The following MYLK3 variants were observed in gnomAD, a reference collection of about 807,000 sequenced individuals.
MYLK3 encodes the protein MLC kinase.
In MYLK3, 55 loss-of-function variants were observed where a neutral mutation model predicts 76.3. The observed-to-expected ratio is 0.72, with a 90% CI of 0.58 to 0.90. MYLK3 has a LOEUF of 0.90. MYLK3 is among the 40% of genes least tolerant of loss of function. The probability of loss-of-function intolerance (pLI) is 0.00; values close to 1 mark genes in which losing one functional copy is unlikely to be tolerated. For synonymous variants in MYLK3, 416 were observed against 425.4 expected (o/e 0.98, Z 0.27); for missense variants, 973 against 1,053.6 (o/e 0.92, Z 1.06).
At chr16:46,720,940 G>T (rs1966792903) in intron 9 of MYLK3, among the ~76,000 whole-genome samples, 183 bp downstream of exon 9, 1 of 152,176 alleles carries the variant, frequency 6.6e-6, no homozygotes, top group South Asian at 2.1e-4. Flanking sequence ...ACAGCACAAA[G>T]CCAGCCCATG....
At chr16:46,713,564 T>C (rs182954312) in intron 9 of MYLK3, among the ~76,000 whole-genome samples, 11 of 152,344 alleles carry the variant, frequency 7.2e-5, no homozygotes, top group Non-Finnish European at 1.5e-4. Context: ...TTAACATAAG[T>C]ATTACCTCAC....
At position 46,702,660 on chromosome 16, in the gene MYLK3, A is replaced by G. The variant is rs560324784; in HGVS notation, c.*5044T>C. ...ATGCGGGCCAGGCGCAGTGGCTCACACCTGTAATCCCAGCACTTTGGGAGG... is the reference window on the plus strand; with the variant it reads ...ATGCGGGCCAGGCGCAGTGGCTCACGCCTGTAATCCCAGCACTTTGGGAGG... On this transcript the variant is annotated 3_prime_UTR_variant, in exon 13 of 13. Coordinates refer to ENST00000394809, the MANE Select transcript of MYLK3 (RefSeq NM_182493.3). 1.5e-4 allele frequency among the ~76,000 whole-genome samples: 23 copies of G among 152,284 alleles called. No homozygotes were observed. Among genetic ancestry groups the G allele is most frequent in the Non-Finnish European group, 3.4e-4 (23 of 68,016 alleles).
intron 1 of MYLK3, among the ~76,000 whole-genome samples, chr16:46,742,712 T>C (rs1265342111): frequency 2.0e-5 from 3 of 152,254 alleles, no homozygotes; most frequent in Middle Eastern, 6.8e-3. Context: ...AGTAAGGACA[T>C]AGCACATGGA....
chr16:46,751,577 G>T (rs373736635), upstream of MYLK3, among the ~76,000 whole-genome samples: 1 of 152,176 alleles, frequency 6.6e-6, no homozygotes, highest in East Asian at 1.9e-4. Context: ...CCAGCCGCCT[G>T]GTACATGGCA....
In MYLK3 at chr16:46,737,751, G is replaced by T; in HGVS notation, c.961C>A (p.Gln321Lys). The stretch of plus-strand genomic sequence containing the variant: ...CCACCACTGTGGGTTGCCCTGGCCT[G>T]GGCTGGCAGCCCTGGAGGCCCTGGG... ...QCPGPPGLPA[Q>K]ARATHSGGET... is the part of the protein sequence containing the mutation. The change falls in exon 3 of 13, where the codon CAG (glutamine) becomes AAG (lysine). Residue 321 changes from glutamine to lysine, a missense_variant. Physicochemically the swap from Gln to Lys is moderately conservative, Grantham distance 53. Transcript: ENST00000394809. The T allele has an allele frequency of 6.2e-7, 1 of 1,609,978 alleles. No homozygotes were observed.
At chr16:46,734,171 T>G (rs888865423) in intron 3 of MYLK3, among the ~76,000 whole-genome samples, 1 of 152,178 alleles carries the variant, frequency 6.6e-6, no homozygotes. Context: ...TGCCCAGTGA[T>G]GGATAATACA....
At chr16:46,745,151 T>C (rs1008273330) in intron 1 of MYLK3, among the ~76,000 whole-genome samples, 15 of 152,254 alleles carry the variant, frequency 9.9e-5, no homozygotes, top group Non-Finnish European at 2.9e-5. Context: ...TTTATCTGTA[T>C]AAATTTACCA....
At chr16:46,743,738 G>T (rs1252785367) in intron 1 of MYLK3, among the ~76,000 whole-genome samples, 1 of 152,102 alleles carries the variant, frequency 6.6e-6, no homozygotes, top group Non-Finnish European at 1.5e-5. Flanking sequence ...TACATGAAGT[G>T]CTCTTACAAA....
At chr16:46,752,643 G>A (rs1967141150), upstream of MYLK3, among the ~76,000 whole-genome samples, 1 of 152,178 alleles carries the variant, frequency 6.6e-6, no homozygotes, top group Admixed American at 6.5e-5. Context: ...GGAGGCTGAG[G>A]CAGGAGGATT....
chr16:46,730,714 T>C lies in MYLK3; in HGVS notation c.1463-16A>G. The C allele has an allele frequency of 1.9e-6, 3 of 1,611,896 alleles. No individual in the cohort carries two copies. Among genetic ancestry groups the C allele is most frequent in the Non-Finnish European group, 1.7e-6 (2 of 1,178,314 alleles). ...GGACTGTCATCTGCTCAGGAGGCAA[T>C]AAGGACCTGTGAGCCTCCTCTGTGC... On this transcript the variant is annotated splice_polypyrimidine_tract_variant and intron_variant, in intron 4 of 12. Coordinates refer to ENST00000394809, the MANE Select transcript of MYLK3 (RefSeq NM_182493.3).
At chr16:46,747,260 A>T (rs186841749) in intron 1 of MYLK3, among the ~76,000 whole-genome samples, 84 of 151,918 alleles carry the variant, frequency 5.5e-4, no homozygotes, top group African/African-American at 1.9e-3. Flanking sequence ...AGGCAGCTGC[A>T]CTCTCCACTC....
chr16:46,744,016 C>T (rs935161653), intron 1 of MYLK3, among the ~76,000 whole-genome samples: 2 of 152,128 alleles, frequency 1.3e-5, no homozygotes, highest in Admixed American at 1.3e-4. Flanking sequence ...GGGTCTGATA[C>T]AAATAAACTG....
chr16:46,740,137 C>G lies in MYLK3; in HGVS notation c.488G>C (p.Arg163Pro). ...TGGTTTTCCTCCCTCTTCTTCCACT[C>G]GCTCTTTATTCTAAAATAACAACCA... ...PGDSPEENKE[R>P]VEEEGGKPKH... Residue 163 changes from arginine (R) to proline (P), a missense_variant, in exon 2 of 13, where the codon CGA becomes CCA. By Grantham distance (103) the Arg-to-Pro change is moderately radical (BLOSUM62 -2). This residue lies in a region of MYLK3 where 641 missense variants were observed against 637.0 expected (regional missense o/e 1.01). Transcript: ENST00000394809. 1 of 1,613,554 alleles carries G rather than the reference C, an allele frequency of 6.2e-7. No homozygotes were observed. The highest frequency in any genetic ancestry group is 8.5e-7 in the Non-Finnish European group (1 of 1,179,634).
upstream of MYLK3, among the ~76,000 whole-genome samples, chr16:46,753,010 G>T (rs901344264): frequency 4.6e-5 from 7 of 152,174 alleles, no homozygotes; most frequent in African/African-American, 1.7e-4. Context: ...CCGCAACGAT[G>T]AACAGAATGG....
At chr16:46,755,073 GT>G (rs903033186) in intron 1 of MYLK3, among the ~76,000 whole-genome samples, 4 of 151,436 alleles carry the variant, frequency 2.6e-5, no homozygotes, top group Admixed American at 6.6e-5. Context: ...TTTTTGTGGG[GT>G]TTTTTTTAGA....
intron 1 of MYLK3, among the ~76,000 whole-genome samples, chr16:46,755,547 C>G (rs1333963231): frequency 6.6e-6 from 1 of 151,952 alleles, no homozygotes; most frequent in East Asian, 1.9e-4. Flanking sequence ...CAGGAACCCT[C>G]CCGGGGGAAA....
At chr16:46,726,691 AAG>A (rs1966841904) in intron 8 of MYLK3, 1 of 148,282 alleles carries the variant, frequency 6.7e-6, no homozygotes, top group African/African-American at 2.5e-5. Context: ...GAAAGAAAGA[AAG>A]AAAGAAAGAA....
intron 2 of MYLK3, 44 bp downstream of exon 2, chr16:46,740,013 G>T: frequency 2.1e-6 from 3 of 1,397,766 alleles, no homozygotes; most frequent in South Asian, 1.2e-5. Flanking sequence ...TTCTGAAGCT[G>T]TTGTGTCTGC....
At chr16:46,743,073 C>T (rs1416034617) in intron 1 of MYLK3, among the ~76,000 whole-genome samples, 1 of 152,186 alleles carries the variant, frequency 6.6e-6, no homozygotes, top group Admixed American at 6.5e-5. Context: ...AGGGCTCAGC[C>T]TTCTAGTCCC....
Sources: gnomAD v4.1 joint callset for allele counts (sites outside exome capture counted in the v4.1 genomes callset) on GRCh38, gnomAD v4.1.1 for gene constraint, gnomAD v4.1.1 regional missense constraint, MANE v1.5 for transcripts, NCBI Gene and HGNC (gene_info 2026-07-23, HGNC 2026-07-21) for gene names.